FABP5: variants seen among roughly 807,000 people sequenced by gnomAD.
The protein encoded by FABP5 is fatty acid-binding protein 5.
Under a neutral mutation model 16.9 loss-of-function variants are expected in FABP5, and 7 were observed. The observed-to-expected ratio is 0.41, with a 90% CI of 0.24 to 0.78. The LOEUF (loss-of-function observed/expected upper bound fraction) is 0.78, where lower values mean the gene tolerates loss of function less well. FABP5 is among the 30% of genes least tolerant of loss of function. The pLI is 0.30. For missense variants in FABP5, 119 were observed against 159.5 expected (o/e 0.75, Z 1.37); for synonymous variants, 37 against 52.8 (o/e 0.70, Z 1.30).
rs1807818543 is a variant in FABP5 at position 81,280,928 on chromosome 8, T to C, written c.79+254T>C. On this transcript the variant is annotated intron_variant, in intron 1 of 3. Coordinates refer to ENST00000297258, the MANE Select transcript of FABP5 (RefSeq NM_001444.3). ...AAGATTCCGGAGGTGGTCCACCCCGTGGTCCACCTACCTCTGCTTCTTTCC... is the reference window on the plus strand; with the variant it reads ...AAGATTCCGGAGGTGGTCCACCCCGCGGTCCACCTACCTCTGCTTCTTTCC... 3 of 491,646 alleles carry C rather than the reference T, an allele frequency of 6.1e-6. No homozygotes were observed. The South Asian group carries it at 7.2e-5, about 12-fold the overall frequency. The allele number at this position is 491,646 out of a possible 1,614,324, so 30.5% of individuals were successfully genotyped here.
At chr8:81,283,196 A>C in intron 1 of FABP5, 170 bp from the exon 2 acceptor site, 2 of 519,308 alleles carry the variant, frequency 3.9e-6, no homozygotes. Context: ...CCTGAATTTC[A>C]TATATGTAAA....
In FABP5 at chr8:81,281,576, C is replaced by T; in HGVS notation, c.79+902C>T. The T allele has an allele frequency of 1.0e-6, 1 of 985,652 alleles. No individual in the cohort carries two copies. The highest frequency in any genetic ancestry group is 1.2e-6 in the Non-Finnish European group (1 of 830,092). 61.1% of individuals were successfully genotyped at this position (985,652 alleles called of 1,614,324 possible). Reference sequence around the variant, plus strand: ...TGCTGGAAAACCGTAACAGAAACTGCCTGGCCCTCCTGCGGCTAACTGCAT... The same window carrying T: ...TGCTGGAAAACCGTAACAGAAACTGTCTGGCCCTCCTGCGGCTAACTGCAT... On this transcript the variant is annotated intron_variant, in intron 1 of 3. Coordinates refer to ENST00000297258, the MANE Select transcript of FABP5 (RefSeq NM_001444.3). The surrounding 1 kb of genome is among the most constrained non-coding windows in gnomAD (Gnocchi z 4.5).
intron 2 of FABP5, 124 bp downstream of exon 2, chr8:81,283,662 A>G (rs1807869166): frequency 2.5e-6 from 3 of 1,179,596 alleles, no homozygotes; most frequent in Admixed American, 2.9e-5. Flanking sequence ...ATTTTGTCAA[A>G]TTAGCAAAAG....
In FABP5 at chr8:81,281,694, A is replaced by G; in HGVS notation, c.79+1020A>G. 6.1e-6 allele frequency: 6 copies of G among 981,720 alleles called. No homozygotes were observed. Among genetic ancestry groups the G allele is most frequent in the Non-Finnish European group, 7.3e-6 (6 of 826,522 alleles). 60.8% of individuals were successfully genotyped at this position (981,720 alleles called of 1,614,324 possible). ...AGTAGTAAGATTCATTTCTCACTCA[A>G]AACAGTGCTTCATTATAAATTACTG... On this transcript the variant is annotated intron_variant, in intron 1 of 3. Transcript: ENST00000297258. The surrounding 1 kb of genome is among the most constrained non-coding windows in gnomAD (Gnocchi z 4.5).
Position 81,281,672 on chromosome 8 carries a change from A to G in FABP5, c.79+998A>G. 1 of 985,312 alleles carries G rather than the reference A, an allele frequency of 1.0e-6. No homozygotes were observed. The highest frequency in any genetic ancestry group is 1.2e-6 in the Non-Finnish European group (1 of 829,798). 61.0% of individuals were successfully genotyped at this position (985,312 alleles called of 1,614,324 possible). ...GTTCCGAGGGAGAATGAATCTCAGT[A>G]GTAAGATTCATTTCTCACTCAAAAC... is the stretch of plus-strand genomic sequence containing the variant. On this transcript the variant is annotated intron_variant, in intron 1 of 3. Coordinates refer to ENST00000297258, the MANE Select transcript of FABP5 (RefSeq NM_001444.3). The surrounding 1 kb of genome is among the most constrained non-coding windows in gnomAD (Gnocchi z 4.5).
chr8:81,281,496 G>A lies in FABP5; in HGVS notation c.79+822G>A. The A allele has an allele frequency of 2.0e-6, 2 of 985,566 alleles. No individual in the cohort carries two copies. Among genetic ancestry groups the A allele is most frequent in the East Asian group, 1.1e-4 (1 of 8,810 alleles). The allele number at this position is 985,566 out of a possible 1,614,324, so 61.1% of individuals were successfully genotyped here. A position where few individuals can be genotyped will look rare whatever the true frequency, so the allele number is the denominator to read the frequency against. On this transcript the variant is annotated intron_variant, in intron 1 of 3. Coordinates refer to ENST00000297258, the MANE Select transcript of FABP5 (RefSeq NM_001444.3). This position sits in a 1 kb window ranked among gnomAD's most constrained non-coding sequence, Gnocchi z 4.5. ...CAATGAGGCCTGGGGGTGGCCGTGT[G>A]TTGCCATCCTGGCCTCTGCCACTTG...
At chr8:81,283,562 T>C in intron 2 of FABP5, 24 bp downstream of exon 2, 2 of 1,593,176 alleles carry the variant, frequency 1.3e-6, no homozygotes, top group Non-Finnish European at 1.7e-6. Context: ...TGTTATGAAA[T>C]CACAGAAGCT....
At chr8:81,283,250 A>G (rs1203366878) in intron 1 of FABP5, 116 bp from the exon 2 acceptor site, 3 of 853,454 alleles carry the variant, frequency 3.5e-6, no homozygotes, top group Admixed American at 3.1e-5. Context: ...ATAGTTATCA[A>G]TAAGCAAATA....
chr8:81,283,291 A>G lies in FABP5; in HGVS notation c.80-75A>G, dbSNP rs970166198. Reference sequence around the variant, plus strand: ...AAATATGCCGCACAAAGTGATTACAATGGAATTATTGCTTTTATCATGTAA... The same window carrying G: ...AAATATGCCGCACAAAGTGATTACAGTGGAATTATTGCTTTTATCATGTAA... On this transcript the variant is annotated intron_variant, in intron 1 of 3. Coordinates refer to ENST00000297258, the MANE Select transcript of FABP5 (RefSeq NM_001444.3). 1.3e-5 allele frequency: 16 copies of G among 1,253,372 alleles called. No individual in the cohort carries two copies. The Admixed American group carries it at 2.2e-4, about 17-fold the overall frequency. The allele number at this position is 1,253,372 out of a possible 1,614,324, so 77.6% of individuals were successfully genotyped here.
chr8:81,284,184 G>A (rs1488120194), intron 3 of FABP5: 1 of 550,334 alleles, frequency 1.8e-6, no homozygotes, highest in Non-Finnish European at 3.2e-6. Flanking sequence ...TGGAGTTGGG[G>A]GGAGTTCTTG....
chr8:81,280,823 G>A, intron 1 of FABP5, 149 bp downstream of exon 1: 1 of 707,828 alleles, frequency 1.4e-6, no homozygotes, highest in Non-Finnish European at 2.4e-6. Context: ...CGCGGCCGTT[G>A]GGTGCAGCGC....
intron 2 of FABP5, 32 bp downstream of exon 2, chr8:81,283,570 G>A (rs767896003): frequency 9.5e-6 from 15 of 1,582,214 alleles, no homozygotes; most frequent in Non-Finnish European, 1.3e-5. Context: ...AATCACAGAA[G>A]CTTCTAGAAT....
In FABP5 at chr8:81,281,581, C is replaced by T; in HGVS notation, c.79+907C>T. On this transcript the variant is annotated intron_variant, in intron 1 of 3. Coordinates refer to ENST00000297258, the MANE Select transcript of FABP5 (RefSeq NM_001444.3). The surrounding 1 kb of genome is among the most constrained non-coding windows in gnomAD (Gnocchi z 4.5). Reference sequence around the variant, plus strand: ...GAAAACCGTAACAGAAACTGCCTGGCCCTCCTGCGGCTAACTGCATGCAAG... The same window carrying T: ...GAAAACCGTAACAGAAACTGCCTGGTCCTCCTGCGGCTAACTGCATGCAAG... 2.0e-6 allele frequency: 2 copies of T among 985,636 alleles called. No homozygotes were observed. Among genetic ancestry groups the T allele is most frequent in the Non-Finnish European group, 1.2e-6 (1 of 830,096 alleles). The allele number at this position is 985,636 out of a possible 1,614,324, so 61.1% of individuals were successfully genotyped here. A position where few individuals can be genotyped will look rare whatever the true frequency, so the allele number is the denominator to read the frequency against.
rs1391003069 is a variant in FABP5, at chr8:81,281,931, C to T, written c.79+1257C>T. Among the ~76,000 whole-genome samples, 1 of 152,034 alleles carries T rather than the reference C, an allele frequency of 6.6e-6. No individual in the cohort carries two copies. On this transcript the variant is annotated intron_variant, in intron 1 of 3. Transcript: ENST00000297258. This position sits in a 1 kb window ranked among gnomAD's most constrained non-coding sequence, Gnocchi z 4.5. ...ATCCACAAATGTTAACCCGGTTGCT[C>T]GCTGGTGAAATAACTACCGTGACCC...
intron 1 of FABP5, among the ~76,000 whole-genome samples, chr8:81,282,420 C>G (rs1219318090): frequency 6.6e-6 from 1 of 152,128 alleles, no homozygotes; most frequent in Non-Finnish European, 1.5e-5. Flanking sequence ...CCTGAGCTGG[C>G]AAAAGAGAAG....
chr8:81,280,918 G>A (rs1208505640), intron 1 of FABP5: 2 of 506,906 alleles, frequency 3.9e-6, no homozygotes, highest in Admixed American at 6.7e-5. Flanking sequence ...TCCGGAGGTG[G>A]TCCACCCCGT....
At chr8:81,282,012 T>G (rs1807840434) in intron 1 of FABP5, among the ~76,000 whole-genome samples, 1 of 152,204 alleles carries the variant, frequency 6.6e-6, no homozygotes, top group Non-Finnish European at 1.5e-5. Flanking sequence ...GTACCCTTTA[T>G]CCAAGACCAT....
chr8:81,280,556 C>T lies in FABP5; in HGVS notation c.-40C>T. On this transcript the variant is annotated 5_prime_UTR_variant, in exon 1 of 4. It adds an upstream start codon to the 5' untranslated region. Transcript: ENST00000297258. ...GCCTCACAGCACGCTGCCACGCCGA[C>T]GCAGACCCCTCTCTGCACGCCAGCC... is the stretch of plus-strand genomic sequence containing the variant. 6.5e-7 allele frequency: 1 copy of T among 1,542,562 alleles called. No individual in the cohort carries two copies. Among genetic ancestry groups the T allele is most frequent in the Non-Finnish European group, 8.8e-7 (1 of 1,142,088 alleles).
Position 81,281,487 on chromosome 8 carries a change from T to C in FABP5, c.79+813T>C. 1 of 984,964 alleles carries C rather than the reference T, an allele frequency of 1.0e-6. No homozygotes were observed. Among genetic ancestry groups the C allele is most frequent in the Non-Finnish European group, 1.2e-6 (1 of 829,970 alleles). The allele number at this position is 984,964 out of a possible 1,614,324, so 61.0% of individuals were successfully genotyped here. ...GGAGGAGCGCAATGAGGCCTGGGGG[T>C]GGCCGTGTGTTGCCATCCTGGCCTC... On this transcript the variant is annotated intron_variant, in intron 1 of 3. Coordinates refer to ENST00000297258, the MANE Select transcript of FABP5 (RefSeq NM_001444.3). The surrounding 1 kb of genome is among the most constrained non-coding windows in gnomAD (Gnocchi z 4.5).
Sources: allele counts gnomAD v4.1 joint callset (sites outside exome capture counted in the v4.1 genomes callset), GRCh38; gene constraint gnomAD v4.1.1; non-coding constraint Gnocchi (gnomAD v3.1); transcripts MANE v1.5; gene names NCBI Gene and HGNC (gene_info 2026-07-23, HGNC 2026-07-21).